The following SYK variants were observed in gnomAD, a reference collection of about 807,000 sequenced individuals.
SYK encodes the protein tyrosine-protein kinase SYK.
SYK carries 16 observed loss-of-function variants against 77.8 expected under a neutral mutation model. The ratio of observed to expected loss-of-function variants is 0.21; its 90% confidence interval spans 0.14 to 0.31. The LOEUF (loss-of-function observed/expected upper bound fraction) is 0.31, where lower values mean the gene tolerates loss of function less well. Among genes scored for constraint, SYK ranks in the 10% least tolerant of loss-of-function variants. The pLI, the probability that SYK is intolerant of heterozygous loss-of-function variation, is 1.00. For synonymous variants in SYK, 312 were observed against 308.7 expected (o/e 1.01, Z -0.11); for missense variants, 529 against 814.4 (o/e 0.65, Z 4.26).
At chr9:90,837,907 A>G (rs1253808406) in intron 1 of SYK, among the ~76,000 whole-genome samples, 1 of 152,216 alleles carries the variant, frequency 6.6e-6, no homozygotes, top group Non-Finnish European at 1.5e-5. Flanking sequence ...GCTTCCCTGC[A>G]TCACTGTGAG....
At chr9:90,849,898 G>A (rs1203867241) in intron 3 of SYK, among the ~76,000 whole-genome samples, 2 of 152,258 alleles carry the variant, frequency 1.3e-5, no homozygotes, top group Non-Finnish European at 2.9e-5. Flanking sequence ...CACGGTGCTT[G>A]GCACCGAACG....
At chr9:90,846,791 A>G (rs938041756) in intron 3 of SYK, among the ~76,000 whole-genome samples, 2 of 151,512 alleles carry the variant, frequency 1.3e-5, no homozygotes, top group Admixed American at 6.6e-5. Context: ...ATGCAGCCCC[A>G]GCCAGCAGCA....
intron 1 of SYK, among the ~76,000 whole-genome samples, chr9:90,841,209 T>C (rs1826306258): frequency 6.6e-6 from 1 of 151,156 alleles, no homozygotes; most frequent in Non-Finnish European, 1.5e-5. Flanking sequence ...GTGTTGCATG[T>C]AGTGTGTTGT....
intron 1 of SYK, among the ~76,000 whole-genome samples, chr9:90,808,825 C>A (rs73503952): frequency 2.2e-4 from 34 of 152,316 alleles, no homozygotes; most frequent in African/African-American, 7.9e-4. Flanking sequence ...ACCCCCCACA[C>A]TGCTGCCTGC....
At chr9:90,870,838 T>G (rs1485947512) in intron 7 of SYK, among the ~76,000 whole-genome samples, 4 of 152,218 alleles carry the variant, frequency 2.6e-5, no homozygotes, top group South Asian at 4.1e-4. Flanking sequence ...GACTGTATTG[T>G]CATCTGCATT....
At chr9:90,855,997 G>A (rs1827024657) in intron 3 of SYK, among the ~76,000 whole-genome samples, 1 of 152,166 alleles carries the variant, frequency 6.6e-6, no homozygotes, top group African/African-American at 2.4e-5. Context: ...TGCAATTCCT[G>A]CAAAATGCCC....
intron 1 of SYK, among the ~76,000 whole-genome samples, chr9:90,803,143 C>A (rs1824674189): frequency 6.6e-6 from 1 of 152,106 alleles, no homozygotes; most frequent in South Asian, 2.1e-4. Context: ...ATTATTTTAT[C>A]AAATCATTTT....
chr9:90,808,254 C>A (rs917848178), intron 1 of SYK, among the ~76,000 whole-genome samples: 3 of 152,146 alleles, frequency 2.0e-5, no homozygotes, highest in Admixed American at 6.5e-5. Flanking sequence ...ATTATTTTAG[C>A]AAGCAGGTGG....
intron 1 of SYK, among the ~76,000 whole-genome samples, chr9:90,835,073 C>T (rs1826020652): frequency 6.6e-6 from 1 of 151,822 alleles, no homozygotes. Context: ...GATGAGACAG[C>T]CCCCGACCCT....
intron 1 of SYK, among the ~76,000 whole-genome samples, chr9:90,805,406 T>A (rs939044824): frequency 5.3e-5 from 8 of 152,164 alleles, no homozygotes; most frequent in African/African-American, 1.9e-4. Context: ...ATGAGAGATG[T>A]CTTGACCTGA....
At chr9:90,819,431 G>T (rs1288243589) in intron 1 of SYK, among the ~76,000 whole-genome samples, 1 of 152,224 alleles carries the variant, frequency 6.6e-6, no homozygotes, top group African/African-American at 2.4e-5. Flanking sequence ...AGAAAAAGAG[G>T]TTTAATTGGA....
chr9:90,894,328 C>T (rs1828901074), intron 13 of SYK, among the ~76,000 whole-genome samples: 1 of 152,216 alleles, frequency 6.6e-6, no homozygotes, highest in Non-Finnish European at 1.5e-5. Flanking sequence ...GACAAAGCCC[C>T]TCTCAGTGAC....
chr9:90,807,485 G>A (rs1824882042), intron 1 of SYK, among the ~76,000 whole-genome samples: 1 of 152,008 alleles, frequency 6.6e-6, no homozygotes, highest in African/African-American at 2.4e-5. Context: ...AGTCACAGGG[G>A]GCTTCACTCT....
intron 1 of SYK, among the ~76,000 whole-genome samples, chr9:90,839,170 G>C (rs566692306): frequency 6.6e-6 from 1 of 152,164 alleles, no homozygotes; most frequent in Admixed American, 6.5e-5. Context: ...GGTGGGTGCC[G>C]GTGGGTGCCA....
intron 7 of SYK, 114 bp from the exon 8 acceptor site, chr9:90,874,090 G>T: frequency 1.2e-6 from 1 of 856,330 alleles, no homozygotes; most frequent in South Asian, 1.7e-5. Context: ...TCTTTCCTTT[G>T]TCTTTCCTGC....
rs754004094 is a variant in SYK, at chr9:90,887,874, G to A, written c.1707G>A (p.Gly569=). The change falls in exon 12 of 14, where the codon GGG becomes GGA. Residue 569 remains glycine, a synonymous_variant. Transcript: ENST00000375754. ...GVLMWEAFSY[G]QKPYRGMKGS... is the part of the protein sequence containing the mutation. ...TGATGTGGGAAGCATTCTCCTATGG[G>A]CAGAAGCCATATCGAGTGAGCCAGT... 2 of 1,608,194 alleles carry A rather than the reference G, an allele frequency of 1.2e-6. No individual in the cohort carries two copies. Among genetic ancestry groups the A allele is most frequent in the Non-Finnish European group, 1.7e-6 (2 of 1,176,600 alleles).
intron 3 of SYK, among the ~76,000 whole-genome samples, chr9:90,847,027 C>T (rs745480286): frequency 1.1e-4 from 17 of 152,212 alleles, no homozygotes; most frequent in Non-Finnish European, 2.1e-4. Context: ...TCTTTGGCCA[C>T]GAAGCTGTTT....
intron 7 of SYK, among the ~76,000 whole-genome samples, chr9:90,872,477 G>A (rs148195200): frequency 6.6e-6 from 1 of 152,324 alleles, no homozygotes; most frequent in African/African-American, 2.4e-5. Flanking sequence ...CCTAGAATTG[G>A]TTGCGGGAGA....
rs549435847 is a variant in SYK at position 90,825,377 on chromosome 9, A to G, written c.-41-18481A>G. ...GTAGCTAATGATGAAATGATTCTGA[A>G]CTTTACTTGGGAAGGTAAAAGATCT... On this transcript the variant is annotated intron_variant, in intron 1 of 13. Transcript: ENST00000375754. Among the ~76,000 whole-genome samples, 5 of 152,350 alleles carry G rather than the reference A, an allele frequency of 3.3e-5. No individual in the cohort carries two copies. The East Asian group carries it at 9.6e-4, about 29-fold the overall frequency.
Sources: allele counts gnomAD v4.1 joint callset (sites outside exome capture counted in the v4.1 genomes callset), GRCh38; gene constraint gnomAD v4.1.1; transcripts MANE v1.5; gene names NCBI Gene and HGNC (gene_info 2026-07-23, HGNC 2026-07-21).